Variants in DPY19L4 observed in about 807,000 individuals in gnomAD.
DPY19L4 encodes probable C-mannosyltransferase DPY19L4.
DPY19L4 carries 97 observed loss-of-function variants against 102.8 expected under a neutral mutation model. The observed-to-expected ratio is 0.94, with a 90% confidence interval of 0.80 to 1.12. The LOEUF is 1.12. Ranked by LOEUF, DPY19L4 falls within the 50% of genes most tolerant of loss-of-function variation. The pLI is 0.00. For synonymous variants in DPY19L4, 252 were observed against 283.1 expected, an observed-to-expected ratio of 0.89 and a Z score of 1.10; for missense variants, 815 against 850.4, an observed-to-expected ratio of 0.96 and a Z score of 0.52.
chr8:94,777,478 C>T (rs1421686567), intron 13 of DPY19L4, among the ~76,000 whole-genome samples, 188 bp from the exon 14 acceptor site: 1 of 152,144 alleles, frequency 6.6e-6, no homozygotes, highest in Non-Finnish European at 1.5e-5. Flanking sequence ...TTTGCTAGCC[C>T]ACATGTCTGC....
intron 6 of DPY19L4, among the ~76,000 whole-genome samples, chr8:94,741,708 A>T (rs907346356): frequency 3.9e-5 from 6 of 152,214 alleles, no homozygotes; most frequent in African/African-American, 1.4e-4. Flanking sequence ...TCAAATTGTC[A>T]CACCCTTGGT....
At chr8:94,789,700 T>C (rs1251823755) in intron 18 of DPY19L4, 46 bp from the exon 19 acceptor site, 9 of 1,477,992 alleles carry the variant, frequency 6.1e-6, no homozygotes, top group Non-Finnish European at 8.2e-6. Context: ...ATTTCTGCTA[T>C]AAGCTTAATA....
intron 2 of DPY19L4, among the ~76,000 whole-genome samples, chr8:94,730,679 A>G (rs1810906935): frequency 6.7e-6 from 1 of 148,220 alleles, no homozygotes; most frequent in Admixed American, 6.7e-5. Flanking sequence ...CAGGAGGCAG[A>G]GGTTGCAGTG....
intron 17 of DPY19L4, among the ~76,000 whole-genome samples, chr8:94,785,510 T>A (rs1813616132): frequency 6.6e-6 from 1 of 152,184 alleles, no homozygotes; most frequent in East Asian, 1.9e-4. Context: ...TGTATAGTCT[T>A]GAAACTAGGA....
intron 10 of DPY19L4, among the ~76,000 whole-genome samples, chr8:94,766,151 A>T (rs547704710): frequency 4.6e-5 from 7 of 152,356 alleles, no homozygotes; most frequent in Admixed American, 1.3e-4. Flanking sequence ...AATGTTGTTG[A>T]TCACCTGAGG....
chr8:94,772,490 C>T (rs1008900520), intron 13 of DPY19L4, among the ~76,000 whole-genome samples: 1 of 152,202 alleles, frequency 6.6e-6, no homozygotes, highest in African/African-American at 2.4e-5. Context: ...CAGGAGACAC[C>T]AAAGCACAGA....
chr8:94,744,952 T>G (rs1464249676), intron 6 of DPY19L4: 2 of 184,376 alleles, frequency 1.1e-5, no homozygotes, highest in Non-Finnish European at 2.3e-5. Context: ...GTATGTATCT[T>G]GTACTGCAAA....
chr8:94,737,216 A>C (rs927670916), intron 3 of DPY19L4, among the ~76,000 whole-genome samples: 4 of 151,950 alleles, frequency 2.6e-5, no homozygotes, highest in African/African-American at 9.7e-5. Context: ...ACAGAATCTC[A>C]CTCCATGTCC....
At chr8:94,781,983 A>G (rs576953907) in intron 16 of DPY19L4, among the ~76,000 whole-genome samples, 1 of 152,350 alleles carries the variant, frequency 6.6e-6, no homozygotes, top group East Asian at 1.9e-4. Flanking sequence ...AAAGTTTCAT[A>G]AAGGTAAGCT....
At chr8:94,759,447 T>C (rs1404484428) in intron 7 of DPY19L4, among the ~76,000 whole-genome samples, 1 of 150,228 alleles carries the variant, frequency 6.7e-6, no homozygotes, top group Non-Finnish European at 1.5e-5. Context: ...TGGCTTCACC[T>C]CTCAAAAGCG....
chr8:94,728,671 A>G (rs1424769665), intron 2 of DPY19L4, among the ~76,000 whole-genome samples: 1 of 152,254 alleles, frequency 6.6e-6, no homozygotes, highest in Non-Finnish European at 1.5e-5. Context: ...ATTTGATAAT[A>G]CTGTTTCCTG....
At chr8:94,744,933 A>G (rs577614908) in intron 6 of DPY19L4, 1 of 223,162 alleles carries the variant, frequency 4.5e-6, no homozygotes, top group African/African-American at 2.3e-5. Context: ...TTTTGTTTAT[A>G]TTTTATTGGT....
In DPY19L4 at chr8:94,747,156, A is replaced by C. The variant is rs144579360; in HGVS notation, c.611+7366A>C. Among the ~76,000 whole-genome samples the C allele has an allele frequency of 4.9e-3, 737 of 151,874 alleles. 5 individuals are homozygous for C. Among genetic ancestry groups the C allele is most frequent in the Middle Eastern group, 0.031 (9 of 294 alleles). ...AGCTCACTGCATCATCAACCTCCCTAGACTCAGGTGATCTTCCCATCTTAG... is the reference window on the plus strand; with the variant it reads ...AGCTCACTGCATCATCAACCTCCCTCGACTCAGGTGATCTTCCCATCTTAG... On this transcript the variant is annotated intron_variant, in intron 6 of 18. Coordinates refer to ENST00000414645, the MANE Select transcript of DPY19L4 (RefSeq NM_181787.3).
In DPY19L4 at chr8:94,745,559, T is replaced by C. The variant is rs115783659; in HGVS notation, c.611+5769T>C. Among the ~76,000 whole-genome samples the C allele has an allele frequency of 3.8e-3, 572 of 152,216 alleles. 3 individuals are homozygous for C. Among genetic ancestry groups the C allele is most frequent in the African/African-American group, 0.013 (551 of 41,550 alleles). ...AAATGTACATGTCCCAGAGATACAA[T>C]TGGCAGACAATAATGGAACACATGA... On this transcript the variant is annotated intron_variant, in intron 6 of 18. Transcript: ENST00000414645.
At chr8:94,781,450 A>G (rs142664613) in intron 16 of DPY19L4, among the ~76,000 whole-genome samples, 1 of 152,304 alleles carries the variant, frequency 6.6e-6, no homozygotes, top group Non-Finnish European at 1.5e-5. Context: ...TTATTTAGAT[A>G]CTCAAGAGGA....
At chr8:94,767,316 T>C (rs4644204) in intron 11 of DPY19L4, among the ~76,000 whole-genome samples, 58,768 of 144,560 alleles carry the variant, frequency 0.41, 12,548 homozygotes, top group African/African-American at 0.54. Context: ...TTTTTTGAGA[T>C]GGAGTCTTAC....
intron 13 of DPY19L4, 87 bp downstream of exon 13, chr8:94,770,658 G>A: frequency 6.4e-7 from 1 of 1,570,918 alleles, no homozygotes; most frequent in East Asian, 2.3e-5. Context: ...AGCACTTTGG[G>A]AGGCCAAGGC....
intron 3 of DPY19L4, among the ~76,000 whole-genome samples, chr8:94,736,172 A>G (rs566498891): frequency 1.3e-5 from 2 of 152,252 alleles, no homozygotes; most frequent in South Asian, 2.1e-4. Flanking sequence ...GGCCTCTTTT[A>G]TAAGGACATT....
rs371490530 is a variant in DPY19L4 at position 94,765,318 on chromosome 8, A to G, written c.1002+4A>G. The stretch of plus-strand genomic sequence containing the variant: ...AATGCTTGCTAAGTGCCTTCAGGTA[A>G]CTAGAATTATCTTTTTATTGTTCTT... On this transcript the variant is annotated splice_donor_region_variant and intron_variant, in intron 9 of 18. Coordinates refer to ENST00000414645, the MANE Select transcript of DPY19L4 (RefSeq NM_181787.3). 60 of 1,587,184 alleles carry G rather than the reference A, an allele frequency of 3.8e-5. No homozygotes were observed. In the African/African-American group the frequency reaches 7.1e-4, roughly 19 times the overall value.
Sources: gnomAD v4.1 joint callset for allele counts (sites outside exome capture counted in the v4.1 genomes callset) on GRCh38, gnomAD v4.1.1 for gene constraint, MANE v1.5 for transcripts, NCBI Gene and HGNC (gene_info 2026-07-23, HGNC 2026-07-21) for gene names.